STRIT1: variants seen among roughly 807,000 people sequenced by gnomAD.
STRIT1 encodes the protein small transmembrane regulator of ion transport 1, also known as sarcoplasmic/endoplasmic reticulum calcium ATPase regulator DWORF.
At chr3:155,291,319 T>C (rs1715629312) in intron 1 of STRIT1, 1 of 257,676 alleles carries the variant, frequency 3.9e-6, no homozygotes, top group Non-Finnish European at 7.3e-6. Context: ...AAACTTGTGC[T>C]CTCTACCTCC....
Position 155,292,395 on chromosome 3 carries a change from A to G in STRIT1, c.13+1225T>C, listed in dbSNP as rs540872670. 2.0e-5 allele frequency among the ~76,000 whole-genome samples: 3 copies of G among 152,272 alleles called. No homozygotes were observed. The East Asian group carries it at 5.8e-4, about 29-fold the overall frequency. Reference sequence around the variant, plus strand: ...AAGCCTTTTTATGAATTAAGGTACCATTACAATGGAAGTACATAGCAGTAA... The same window carrying G: ...AAGCCTTTTTATGAATTAAGGTACCGTTACAATGGAAGTACATAGCAGTAA... On this transcript the variant is annotated intron_variant, in intron 1 of 2. Coordinates refer to ENST00000489090, the MANE Select transcript of STRIT1 (RefSeq NM_001352129.2).
chr3:155,290,612 T>C lies in STRIT1; in HGVS notation c.*239A>G, dbSNP rs1715612700. On this transcript the variant is annotated 3_prime_UTR_variant, in exon 3 of 3. Coordinates refer to ENST00000489090, the MANE Select transcript of STRIT1 (RefSeq NM_001352129.2). ...ATTAAATTTATCAAACTTTTTTTAA[T>C]GACATGCATTTTTCATCACAGCTAA... 2 of 169,666 alleles carry C rather than the reference T, an allele frequency of 1.2e-5. No individual in the cohort carries two copies. The highest frequency in any genetic ancestry group is 3.0e-4 in the East Asian group (2 of 6,586). The allele number at this position is 169,666 out of a possible 1,614,324, so 10.5% of individuals were successfully genotyped here. A position where few individuals can be genotyped will look rare whatever the true frequency, so the allele number is the denominator to read the frequency against.
rs1360048724 is a variant in STRIT1 at position 155,290,546 on chromosome 3, GT to G, written c.*304del. 6.6e-6 allele frequency: 1 copy of G among 151,264 alleles called. No individual in the cohort carries two copies. Among genetic ancestry groups the G allele is most frequent in the East Asian group, 1.9e-4 (1 of 5,156 alleles). 9.4% of individuals were successfully genotyped at this position (151,264 alleles called of 1,614,324 possible). On this transcript the variant is annotated 3_prime_UTR_variant, in exon 3 of 3. Transcript: ENST00000489090. ...ACAGCCTCAGCCCACTTTCTCTATA[GT>G]TTTTTCCAGAGGGAAGGGGGGATAA...
At chr3:155,293,554 A>G (rs1468119378) in intron 1 of STRIT1, 66 bp downstream of exon 1, 6 of 398,020 alleles carry the variant, frequency 1.5e-5, no homozygotes, top group Non-Finnish European at 2.7e-5. Context: ...AAGAAACATA[A>G]ATGAACCAAA....
intron 2 of STRIT1, 35 bp downstream of exon 2, chr3:155,290,890 TCTGGAGTAATTTAGA>T (rs1414829629): frequency 2.5e-6 from 1 of 397,958 alleles, no homozygotes; most frequent in African/African-American, 2.1e-5. Context: ...AAAGATTGTT[TCTGGAGTAATTTAGA>T]CTATAAATAA....
Sources: allele counts gnomAD v4.1 joint callset (sites outside exome capture counted in the v4.1 genomes callset), GRCh38; gene constraint gnomAD v4.1.1; transcripts MANE v1.5; gene names NCBI Gene and HGNC (gene_info 2026-07-23, HGNC 2026-07-21).